Variants in KCNH1 observed in about 807,000 individuals in gnomAD.
KCNH1 encodes potassium voltage-gated channel subfamily H member 1, also known as voltage-gated delayed rectifier potassium channel KCNH1.
A neutral mutation model predicts 69.2 loss-of-function variants in KCNH1; 27 were observed. The ratio of observed to expected loss-of-function variants is 0.39; its 90% CI spans 0.29 to 0.54. The LOEUF is 0.54. Among genes scored for constraint, KCNH1 ranks in the 20% least tolerant of loss-of-function variants. The pLI, the probability that KCNH1 is intolerant of heterozygous loss-of-function variation, is 0.68. For synonymous variants in KCNH1, 456 were observed against 487.7 expected, an observed-to-expected ratio of 0.93 and a Z score of 0.86; for missense variants, 798 against 1,261.6, an observed-to-expected ratio of 0.63 and a Z score of 5.57.
chr1:210,939,282 A>T (rs1400592521), intron 6 of KCNH1, among the ~76,000 whole-genome samples: 1 of 152,228 alleles, frequency 6.6e-6, no homozygotes, highest in Non-Finnish European at 1.5e-5. Context: ...TAAGAAAAGT[A>T]ATGCTTTGTT....
chr1:211,130,854 A>C (rs1691862705), intron 1 of KCNH1, among the ~76,000 whole-genome samples: 1 of 152,184 alleles, frequency 6.6e-6, no homozygotes, highest in South Asian at 2.1e-4. Context: ...CCACTGACAA[A>C]GGTGAACAGA....
At chr1:210,690,446 G>A (rs1028498243) in intron 10 of KCNH1, among the ~76,000 whole-genome samples, 6 of 152,136 alleles carry the variant, frequency 3.9e-5, no homozygotes, top group African/African-American at 1.2e-4. Context: ...CTCACTTGAC[G>A]TAGCTTTCCT....
At chr1:210,722,608 C>T (rs1288354825) in intron 10 of KCNH1, among the ~76,000 whole-genome samples, 1 of 152,154 alleles carries the variant, frequency 6.6e-6, no homozygotes, top group East Asian at 1.9e-4. Flanking sequence ...GCTGTTATCC[C>T]TCATCATAAT....
At chr1:211,110,419 A>G (rs1186612232) in intron 1 of KCNH1, among the ~76,000 whole-genome samples, 42 of 152,184 alleles carry the variant, frequency 2.8e-4, no homozygotes. Context: ...GGATTTGATT[A>G]TATTCTTGAT....
At chr1:210,882,389 A>ATATCAGGAT (rs1314583327) in intron 7 of KCNH1, among the ~76,000 whole-genome samples, 1 of 152,104 alleles carries the variant, frequency 6.6e-6, no homozygotes, top group Non-Finnish European at 1.5e-5. Context: ...GGAGGAGAGA[A>ATATCAGGAT]TATCAGGATA....
intron 7 of KCNH1, among the ~76,000 whole-genome samples, chr1:210,841,350 T>C (rs1685405879): frequency 6.6e-6 from 1 of 152,194 alleles, no homozygotes; most frequent in African/African-American, 2.4e-5. Context: ...ATCAACTAGT[T>C]CCTTCTAGCC....
chr1:210,986,515 A>G lies in KCNH1; in HGVS notation c.1032+32268T>C, dbSNP rs532417664. On this transcript the variant is annotated intron_variant, in intron 6 of 10. Transcript: ENST00000271751. Reference sequence around the variant, plus strand: ...ATCTCTCAGCATTTGCTTGTCTGTAAAGGATTTTATTTCTCCTTCACTTAT... The same window carrying G: ...ATCTCTCAGCATTTGCTTGTCTGTAGAGGATTTTATTTCTCCTTCACTTAT... Among the ~76,000 whole-genome samples, 3 of 152,160 alleles carry G rather than the reference A, an allele frequency of 2.0e-5. No individual in the cohort carries two copies. In the East Asian group the frequency reaches 5.8e-4, roughly 29 times the overall value.
At chr1:210,717,935 C>T (rs1682301318) in intron 10 of KCNH1, among the ~76,000 whole-genome samples, 1 of 151,986 alleles carries the variant, frequency 6.6e-6, no homozygotes, top group African/African-American at 2.4e-5. Flanking sequence ...AGTGAAACCC[C>T]ATGTCTACTA....
intron 5 of KCNH1, among the ~76,000 whole-genome samples, chr1:211,044,285 T>G (rs1690052831): frequency 6.6e-6 from 1 of 152,192 alleles, no homozygotes; most frequent in South Asian, 2.1e-4. Flanking sequence ...GTAGCTCTTC[T>G]GTACACCAAC....
At chr1:211,031,852 AG>A (rs966491131) in intron 5 of KCNH1, among the ~76,000 whole-genome samples, 10 of 152,264 alleles carry the variant, frequency 6.6e-5, no homozygotes, top group African/African-American at 2.2e-4. Flanking sequence ...AACTGGCGCA[AG>A]ACAGGGATGC....
intron 6 of KCNH1, among the ~76,000 whole-genome samples, chr1:210,983,374 G>C (rs973216250): frequency 6.6e-6 from 1 of 152,134 alleles, no homozygotes; most frequent in Non-Finnish European, 1.5e-5. Flanking sequence ...GTATTGCCTA[G>C]GTTTTCTTCT....
intron 5 of KCNH1, among the ~76,000 whole-genome samples, chr1:211,068,685 C>T (rs533533364): frequency 3.3e-5 from 5 of 152,254 alleles, no homozygotes; most frequent in South Asian, 4.2e-4. Flanking sequence ...TGAGCCACTG[C>T]GCCTGGCAAC....
chr1:210,694,288 C>T (rs1681589531), intron 10 of KCNH1, among the ~76,000 whole-genome samples: 1 of 152,118 alleles, frequency 6.6e-6, no homozygotes, highest in Non-Finnish European at 1.5e-5. Context: ...CAAGATGTCC[C>T]TTCTCGGTGC....
At chr1:210,720,646 T>C (rs1176522809) in intron 10 of KCNH1, among the ~76,000 whole-genome samples, 1 of 152,170 alleles carries the variant, frequency 6.6e-6, no homozygotes, top group East Asian at 1.9e-4. Flanking sequence ...CTATTGTTTG[T>C]TTCTACAAAC....
Position 210,683,042 on chromosome 1 carries a change from C to T in KCNH1, c.*239G>A, listed in dbSNP as rs1288742694. ...ATACCCTTTAGACAGCATGTCCCTT[C>T]TTCCAAAATTGTGCAAAGACGGTTC... On this transcript the variant is annotated 3_prime_UTR_variant, in exon 11 of 11. Coordinates refer to ENST00000271751, the MANE Select transcript of KCNH1 (RefSeq NM_172362.3). This position sits in a 1 kb window ranked among gnomAD's most constrained non-coding sequence, Gnocchi z 5.7. The T allele has an allele frequency of 1.8e-6, 1 of 558,050 alleles. No individual in the cohort carries two copies. Among genetic ancestry groups the T allele is most frequent in the Non-Finnish European group, 3.2e-6 (1 of 314,422 alleles). 34.6% of individuals were successfully genotyped at this position (558,050 alleles called of 1,614,324 possible). A position where few individuals can be genotyped will look rare whatever the true frequency, so the allele number is the denominator to read the frequency against.
chr1:210,777,245 T>C lies in KCNH1; in HGVS notation c.1916-1701A>G, dbSNP rs114569116. On this transcript the variant is annotated intron_variant, in intron 9 of 10. Coordinates refer to ENST00000271751, the MANE Select transcript of KCNH1 (RefSeq NM_172362.3). ...TCAAAAAGTATCCATTCTAAGTATG[T>C]AAGATATCTGTGGGCACAGCCTTCC... 5.7e-3 allele frequency among the ~76,000 whole-genome samples: 867 copies of C among 152,350 alleles called. 8 individuals carry two copies. Among genetic ancestry groups the C allele is most frequent in the Non-Finnish European group, 6.8e-3 (461 of 68,030 alleles).
intron 1 of KCNH1, among the ~76,000 whole-genome samples, chr1:211,127,954 A>G (rs1489069433): frequency 6.6e-6 from 1 of 152,168 alleles, no homozygotes; most frequent in Non-Finnish European, 1.5e-5. Flanking sequence ...ATCGGACACA[A>G]TGTGTGGTAC....
chr1:210,840,754 C>A (rs1423926777), intron 7 of KCNH1, among the ~76,000 whole-genome samples: 1 of 152,172 alleles, frequency 6.6e-6, no homozygotes, highest in African/African-American at 2.4e-5. Context: ...TGGAAGTTAT[C>A]ATTTCAGACT....
intron 5 of KCNH1, among the ~76,000 whole-genome samples, chr1:211,027,946 A>G (rs1406705065): frequency 6.6e-6 from 1 of 152,218 alleles, no homozygotes; most frequent in East Asian, 1.9e-4. Context: ...ACCATCAAAC[A>G]ATAAGATATA....
Sources: gnomAD v4.1 joint callset for allele counts (sites outside exome capture counted in the v4.1 genomes callset) on GRCh38, gnomAD v4.1.1 for gene constraint, Gnocchi (gnomAD v3.1) non-coding constraint, MANE v1.5 for transcripts, NCBI Gene and HGNC (gene_info 2026-07-23, HGNC 2026-07-21) for gene names.